CORIN: variants seen among roughly 807,000 people sequenced by gnomAD.
CORIN encodes the protein atrial natriuretic peptide-converting enzyme.
In CORIN, 117 loss-of-function variants were observed where a neutral mutation model predicts 125.3. That is an observed-to-expected ratio of 0.93 (90% CI 0.80 to 1.09). The LOEUF (loss-of-function observed/expected upper bound fraction) is 1.09. Among genes scored for constraint, CORIN ranks in the 50% least tolerant of loss-of-function variants. The pLI, the probability that CORIN is intolerant of heterozygous loss-of-function variation, is 0.00. For missense variants in CORIN, 1,253 were observed against 1,306.7 expected (o/e 0.96, Z 0.63); for synonymous variants, 450 against 466.4 (o/e 0.96, Z 0.45).
rs374248975 is a variant in CORIN, at chr4:47,809,396, C to CTT, written c.64-2351_64-2350dup. Among the ~76,000 whole-genome samples, 74 of 107,360 alleles carry CTT rather than the reference C, an allele frequency of 6.9e-4. 2 individuals are homozygous for CTT. Among genetic ancestry groups the CTT allele is most frequent in the African/African-American group, 1.6e-3 (37 of 22,662 alleles). The allele number at this position is 107,360 out of a possible 152,430, so 70.4% of individuals were successfully genotyped here. Reference sequence around the variant, plus strand: ...TCTTCAGTGACAAGAGAATTGATTGCTTTTTTTTTTTTTTTTTTTTTTTTT... The same window carrying CTT: ...TCTTCAGTGACAAGAGAATTGATTGCTTTTTTTTTTTTTTTTTTTTTTTTTTT... On this transcript the variant is annotated intron_variant, in intron 1 of 21. Transcript: ENST00000273857.
intron 5 of CORIN, among the ~76,000 whole-genome samples, chr4:47,729,636 GAA>G (rs1727768932): frequency 6.6e-6 from 1 of 152,152 alleles, no homozygotes; most frequent in African/African-American, 2.4e-5. Flanking sequence ...ATGCTGGGTA[GAA>G]GAGGGCGGTT....
At chr4:47,599,788 G>A (rs747736384) in intron 21 of CORIN, among the ~76,000 whole-genome samples, 2 of 152,156 alleles carry the variant, frequency 1.3e-5, no homozygotes. Flanking sequence ...GGGTGTTGAT[G>A]TGTGGCTTCC....
intron 3 of CORIN, among the ~76,000 whole-genome samples, chr4:47,781,521 C>A (rs1032218450): frequency 6.6e-6 from 1 of 152,178 alleles, no homozygotes; most frequent in Admixed American, 6.5e-5. Context: ...AAGGTGAAGG[C>A]TAAGCTAAGC....
chr4:47,607,880 G>T (rs559856838), intron 19 of CORIN, among the ~76,000 whole-genome samples: 93 of 151,524 alleles, frequency 6.1e-4, no homozygotes, highest in African/African-American at 2.1e-3. Flanking sequence ...CCTAGAGGTG[G>T]AGGTTGCAGT....
At chr4:47,669,075 T>C (rs1336064405) in intron 10 of CORIN, among the ~76,000 whole-genome samples, 1 of 152,184 alleles carries the variant, frequency 6.6e-6, no homozygotes, top group African/African-American at 2.4e-5. Context: ...GCTGCAGAAC[T>C]GTGCTTCCGA....
Position 47,652,089 on chromosome 4 carries a change from A to G in CORIN, c.1843+1464T>C, listed in dbSNP as rs78768805. 4.7e-3 allele frequency among the ~76,000 whole-genome samples: 715 copies of G among 152,332 alleles called. 3 individuals carry two copies. The highest frequency in any genetic ancestry group is 0.016 in the African/African-American group (670 of 41,588). Reference sequence around the variant, plus strand: ...ATAGTTCAGTGAACAAATCTAATACATTCTCAATAAATCACTTATATAAGG... The same window carrying G: ...ATAGTTCAGTGAACAAATCTAATACGTTCTCAATAAATCACTTATATAAGG... On this transcript the variant is annotated intron_variant, in intron 13 of 21. Transcript: ENST00000273857.
At chr4:47,675,658 G>A (rs1240088565) in intron 9 of CORIN, among the ~76,000 whole-genome samples, 1 of 152,172 alleles carries the variant, frequency 6.6e-6, no homozygotes. Flanking sequence ...AGTGGCTTGT[G>A]CTCTGATAGA....
chr4:47,832,963 A>G (rs1169904140), intron 1 of CORIN, among the ~76,000 whole-genome samples: 1 of 152,156 alleles, frequency 6.6e-6, no homozygotes, highest in Non-Finnish European at 1.5e-5. Flanking sequence ...AACAACCACA[A>G]TTGGCTAAGA....
chr4:47,687,134 T>C (rs976190768), intron 6 of CORIN, among the ~76,000 whole-genome samples: 5 of 152,218 alleles, frequency 3.3e-5, no homozygotes, highest in Non-Finnish European at 5.9e-5. Flanking sequence ...AGAAGCCATT[T>C]TTAGAAGTGA....
intron 19 of CORIN, among the ~76,000 whole-genome samples, chr4:47,613,607 AC>A (rs994668212): frequency 2.5e-4 from 38 of 151,702 alleles, no homozygotes; most frequent in African/African-American, 8.7e-4. Flanking sequence ...GCACATATAC[AC>A]CATGGAATAC....
At chr4:47,820,761 T>C (rs146931798) in intron 1 of CORIN, among the ~76,000 whole-genome samples, 2 of 152,092 alleles carry the variant, frequency 1.3e-5, no homozygotes, top group Admixed American at 6.5e-5. Context: ...AAATAGAATA[T>C]AGACAAGTCA....
At chr4:47,835,546 T>C (rs1373558919) in intron 1 of CORIN, among the ~76,000 whole-genome samples, 1 of 152,090 alleles carries the variant, frequency 6.6e-6, no homozygotes, top group Non-Finnish European at 1.5e-5. Context: ...AGTATGGAGA[T>C]TTGAAAGTAC....
intron 9 of CORIN, among the ~76,000 whole-genome samples, chr4:47,676,986 T>G (rs918101032): frequency 2.0e-5 from 3 of 152,240 alleles, no homozygotes; most frequent in Non-Finnish European, 2.9e-5. Flanking sequence ...CTTTAGGTCT[T>G]GGGCATTTTT....
At position 47,688,274 on chromosome 4, in the gene CORIN, T is replaced by C. The variant is rs532615766; in HGVS notation, c.914-4436A>G. Among the ~76,000 whole-genome samples the C allele has an allele frequency of 3.3e-5, 5 of 152,256 alleles. No individual in the cohort carries two copies. In the South Asian group the frequency reaches 1.0e-3, roughly 32 times the overall value. On this transcript the variant is annotated intron_variant, in intron 6 of 21. Coordinates refer to ENST00000273857, the MANE Select transcript of CORIN (RefSeq NM_006587.4). ...CTTGTTTACCTCAATTTTTTTGACT[T>C]TGTGATATTGCTTGTGTTATACTGT... is the stretch of plus-strand genomic sequence containing the variant.
At chr4:47,606,721 T>C (rs1399256512) in intron 19 of CORIN, among the ~76,000 whole-genome samples, 1 of 152,018 alleles carries the variant, frequency 6.6e-6, no homozygotes, top group East Asian at 1.9e-4. Flanking sequence ...CTTCCTTTCC[T>C]TTTTTCCTTC....
At chr4:47,628,954 C>CT (rs1351109333) in intron 16 of CORIN, among the ~76,000 whole-genome samples, 4 of 152,130 alleles carry the variant, frequency 2.6e-5, no homozygotes, top group Non-Finnish European at 1.5e-5. Flanking sequence ...TCAGCAAACA[C>CT]TGAAGTTGTT....
chr4:47,818,878 G>GAA (rs79110235), intron 1 of CORIN, among the ~76,000 whole-genome samples: 896 of 52,624 alleles, frequency 0.017, 8 homozygotes, highest in African/African-American at 0.047. Flanking sequence ...GTCAAAAACA[G>GAA]AAAAAAAAAA....
chr4:47,626,115 G>T (rs1722550577), intron 17 of CORIN, among the ~76,000 whole-genome samples: 3 of 152,080 alleles, frequency 2.0e-5, no homozygotes, highest in Admixed American at 1.3e-4. Flanking sequence ...AGACATGAGG[G>T]TTTATTTTGA....
chr4:47,793,433 A>G (rs1489485590), intron 2 of CORIN, among the ~76,000 whole-genome samples: 1 of 152,190 alleles, frequency 6.6e-6, no homozygotes, highest in Non-Finnish European at 1.5e-5. Context: ...CAGTTAAAGA[A>G]AGGTTAGCTT....
Sources: allele counts gnomAD v4.1 joint callset (sites outside exome capture counted in the v4.1 genomes callset), GRCh38; gene constraint gnomAD v4.1.1; transcripts MANE v1.5; gene names NCBI Gene and HGNC (gene_info 2026-07-23, HGNC 2026-07-21).